The following SLC7A5 variants were observed in gnomAD, a reference collection of about 807,000 sequenced individuals.
The protein encoded by SLC7A5 is solute carrier family 7 member 5.
A neutral mutation model predicts 50.2 loss-of-function variants in SLC7A5; 23 were observed. The observed-to-expected ratio is 0.46, with a 90% CI of 0.33 to 0.65. The LOEUF is 0.65. Ranked by LOEUF, SLC7A5 falls within the 30% of genes least tolerant of loss-of-function variation. The pLI is 0.02. For missense variants in SLC7A5, 578 were observed against 684.4 expected (o/e 0.84, Z 1.73); for synonymous variants, 393 against 330.6 (o/e 1.19, Z -2.05).
chr16:87,867,383 A>G (rs1215589106), intron 1 of SLC7A5, among the ~76,000 whole-genome samples: 1 of 152,172 alleles, frequency 6.6e-6, no homozygotes, highest in East Asian at 1.9e-4. Context: ...TCACATCTCC[A>G]ACGCCCAGCT....
In SLC7A5 at chr16:87,853,291, G is replaced by C. The variant is rs993645018; in HGVS notation, c.539-1442C>G. 6.6e-6 allele frequency among the ~76,000 whole-genome samples: 1 copy of C among 152,222 alleles called. No homozygotes were observed. The highest frequency in any genetic ancestry group is 1.5e-5 in the Non-Finnish European group (1 of 68,040). On this transcript the variant is annotated intron_variant, in intron 1 of 9. Coordinates refer to ENST00000261622, the MANE Select transcript of SLC7A5 (RefSeq NM_003486.7). This position sits in a 1 kb window ranked among gnomAD's most constrained non-coding sequence, Gnocchi z 4.4. ...GGAAACGTCCTGAGGTGCGGGACGG[G>C]CTGCCGCCTGCCTATCTCTCAGAAA... is the stretch of plus-strand genomic sequence containing the variant.
Position 87,838,433 on chromosome 16 carries a change from G to A in SLC7A5, c.1043+281C>T, listed in dbSNP as rs145611775. On this transcript the variant is annotated intron_variant, in intron 6 of 9. Coordinates refer to ENST00000261622, the MANE Select transcript of SLC7A5 (RefSeq NM_003486.7). ...CAGCCCCCCAAGTAGCTGGGACTAC[G>A]GGCACGTGCCACCACGCCTGGCTAA... Among the ~76,000 whole-genome samples, 1,163 of 151,940 alleles carry A rather than the reference G, an allele frequency of 7.7e-3. 13 individuals carry two copies. Among genetic ancestry groups the A allele is most frequent in the African/African-American group, 0.026 (1,094 of 41,436 alleles).
At chr16:87,868,359 G>C (rs1597523477) in intron 1 of SLC7A5, among the ~76,000 whole-genome samples, 1 of 152,106 alleles carries the variant, frequency 6.6e-6, no homozygotes, top group Non-Finnish European at 1.5e-5. Context: ...ATCAGCACCA[G>C]TCACTACCCG....
At chr16:87,851,943 G>T (rs1419859446) in intron 1 of SLC7A5, 94 bp from the exon 2 acceptor site, 5 of 1,489,100 alleles carry the variant, frequency 3.4e-6, no homozygotes, top group African/African-American at 1.4e-5. Context: ...CCACCCCAGG[G>T]CCAGGTCCAC....
chr16:87,864,796 A>C (rs1034557871), intron 1 of SLC7A5, among the ~76,000 whole-genome samples: 1 of 152,248 alleles, frequency 6.6e-6, no homozygotes, highest in African/African-American at 2.4e-5. Context: ...CAACACCATT[A>C]GAATGTAACA....
In SLC7A5 at chr16:87,844,109, C is replaced by T. The variant is rs146028457; in HGVS notation, c.665-2954G>A. 5.8e-3 allele frequency among the ~76,000 whole-genome samples: 869 copies of T among 150,830 alleles called. 7 individuals are homozygous for T. Among genetic ancestry groups the T allele is most frequent in the Non-Finnish European group, 8.6e-3 (588 of 68,020 alleles). ...GAGGAAGAGAATCACCGTGGACAGA[C>T]GGTGACATCTGCCAGAGCCCACAGA... On this transcript the variant is annotated intron_variant, in intron 2 of 9. Transcript: ENST00000261622.
At chr16:87,844,613 T>G (rs11117305) in intron 2 of SLC7A5, among the ~76,000 whole-genome samples, 10,205 of 152,224 alleles carry the variant, frequency 0.067, 452 homozygotes, top group South Asian at 0.15. Context: ...TGTCTCCCCA[T>G]GAACGCAGTG....
Position 87,840,615 on chromosome 16 carries a change from AGGG to A in SLC7A5, c.771-145_771-143del, listed in dbSNP as rs2055071743. On this transcript the variant is annotated intron_variant, in intron 3 of 9. Transcript: ENST00000261622. ...GGCTGGAAAGCGGACCTGGAGTGGG[AGGG>A]AGCTCAGCCTCCTGCGTGTTCCGGG... The A allele has an allele frequency of 7.6e-5, 33 of 433,408 alleles. No individual in the cohort carries two copies. The South Asian group carries it at 1.3e-3, about 18-fold the overall frequency. The allele number at this position is 433,408 out of a possible 1,614,324, so 26.8% of individuals were successfully genotyped here.
chr16:87,848,257 A>G (rs940635603), intron 2 of SLC7A5, among the ~76,000 whole-genome samples: 15 of 152,252 alleles, frequency 9.9e-5, no homozygotes, highest in Non-Finnish European at 2.1e-4. Flanking sequence ...CTGTTCAAGG[A>G]GAGATTAGTT....
chr16:87,863,904 C>T (rs2055427551), intron 1 of SLC7A5, among the ~76,000 whole-genome samples: 1 of 149,698 alleles, frequency 6.7e-6, no homozygotes, highest in African/African-American at 2.5e-5. Flanking sequence ...GGATCAGGCT[C>T]AAGGAATAAG....
chr16:87,858,570 C>T (rs533388242), intron 1 of SLC7A5, among the ~76,000 whole-genome samples: 25 of 152,264 alleles, frequency 1.6e-4, no homozygotes, highest in African/African-American at 5.8e-4. Context: ...CCGGGGTAAA[C>T]GTAGTTCAGA....
Position 87,860,397 on chromosome 16 carries a change from C to G in SLC7A5, c.538+8488G>C. Among the ~76,000 whole-genome samples, 1 of 68,862 alleles carries G rather than the reference C, an allele frequency of 1.5e-5. No homozygotes were observed. The highest frequency in any genetic ancestry group is 5.8e-5 in the African/African-American group (1 of 17,376). 45.2% of individuals were successfully genotyped at this position (68,862 alleles called of 152,430 possible). A position where few individuals can be genotyped will look rare whatever the true frequency, so the allele number is the denominator to read the frequency against. On this transcript the variant is annotated intron_variant, in intron 1 of 9. Transcript: ENST00000261622. This position sits in a 1 kb window ranked among gnomAD's most constrained non-coding sequence, Gnocchi z 4.8. ...ACACACACACACACACACACACACA[C>G]ACATATATATATAAAGAAAAAGGAA...
chr16:87,836,580 A>G lies in SLC7A5; in HGVS notation c.1208T>C (p.Phe403Ser). 6.2e-7 allele frequency: 1 copy of G among 1,613,750 alleles called. No individual in the cohort carries two copies. The highest frequency in any genetic ancestry group is 1.1e-5 in the South Asian group (1 of 91,088). ...GGCCAGGGCCACGCAGAGCCAGTTG[A>G]AGAAGCTGAAGAAGTTGATGACGGA... is the stretch of plus-strand genomic sequence containing the variant. ...IFSVINFFSF[F>S]NWLCVALAII... Residue 403 changes from phenylalanine (F) to serine (S), a missense_variant, in exon 8 of 10, where the codon TTC (phenylalanine) becomes TCC (serine). By Grantham distance (155) the Phe-to-Ser change is radical. This residue lies in a region of SLC7A5 where 465 missense variants were observed against 594.6 expected (regional missense o/e 0.78). Transcript: ENST00000261622.
chr16:87,848,577 T>C (rs1481299656), intron 2 of SLC7A5, among the ~76,000 whole-genome samples: 1 of 152,144 alleles, frequency 6.6e-6, no homozygotes, highest in Admixed American at 6.5e-5. Context: ...GGGGCAGCCA[T>C]GACTCCCCCA....
Position 87,840,420 on chromosome 16 carries a change from T to A in SLC7A5, c.815+9A>T, listed in dbSNP as rs763911291. ...GAAAAAAGACGGCTCCATCCATTCTTGCACGTACCTGTAGGGGTTGATCAT... is the reference window on the plus strand; with the variant it reads ...GAAAAAAGACGGCTCCATCCATTCTAGCACGTACCTGTAGGGGTTGATCAT... On this transcript the variant is annotated intron_variant, in intron 4 of 9. Transcript: ENST00000261622. 2 of 1,609,032 alleles carry A rather than the reference T, an allele frequency of 1.2e-6. No homozygotes were observed.
intron 9 of SLC7A5, among the ~76,000 whole-genome samples, chr16:87,834,038 G>C (rs1271489619): frequency 6.6e-6 from 1 of 152,136 alleles, no homozygotes; most frequent in East Asian, 1.9e-4. Flanking sequence ...ATTTTTAGTA[G>C]AGACAGAGTT....
chr16:87,864,130 A>T (rs925973785), intron 1 of SLC7A5, among the ~76,000 whole-genome samples: 6 of 150,302 alleles, frequency 4.0e-5, no homozygotes, highest in African/African-American at 1.5e-4. Context: ...TGTCTCTACT[A>T]AAAAATACAA....
In SLC7A5 at chr16:87,860,950, C is replaced by T. The variant is rs143507089; in HGVS notation, c.538+7935G>A. On this transcript the variant is annotated intron_variant, in intron 1 of 9. Coordinates refer to ENST00000261622, the MANE Select transcript of SLC7A5 (RefSeq NM_003486.7). This position sits in a 1 kb window ranked among gnomAD's most constrained non-coding sequence, Gnocchi z 4.8. ...AGGCACGCACGTGCTGTGGCCACCC[C>T]GGAGGGTCCGCCTTCCAGAGGGAGA... is the stretch of plus-strand genomic sequence containing the variant. 7.7e-3 allele frequency among the ~76,000 whole-genome samples: 1,179 copies of T among 152,320 alleles called. 28 individuals carry two copies. The highest frequency in any genetic ancestry group is 0.064 in the South Asian group (308 of 4,822).
At position 87,865,968 on chromosome 16, in the gene SLC7A5, C is replaced by T. The variant is rs187085451; in HGVS notation, c.538+2917G>A. On this transcript the variant is annotated intron_variant, in intron 1 of 9. Coordinates refer to ENST00000261622, the MANE Select transcript of SLC7A5 (RefSeq NM_003486.7). ...CCCAGGAAGCAGAGGTTGCAGTGAGCAACGAGCCTGGGCAACAGACACAGA... is the reference window on the plus strand; with the variant it reads ...CCCAGGAAGCAGAGGTTGCAGTGAGTAACGAGCCTGGGCAACAGACACAGA... Among the ~76,000 whole-genome samples the T allele has an allele frequency of 1.3e-3, 205 of 152,276 alleles. 1 individual carries two copies. Among genetic ancestry groups the T allele is most frequent in the African/African-American group, 4.6e-3 (190 of 41,556 alleles).
Sources: gnomAD v4.1 joint callset for allele counts (sites outside exome capture counted in the v4.1 genomes callset) on GRCh38, gnomAD v4.1.1 for gene constraint, gnomAD v4.1.1 regional missense constraint, Gnocchi (gnomAD v3.1) non-coding constraint, MANE v1.5 for transcripts, NCBI Gene and HGNC (gene_info 2026-07-23, HGNC 2026-07-21) for gene names.